PEX26: variants seen among roughly 807,000 people sequenced by gnomAD.
PEX26 encodes peroxisome assembly protein 26.
PEX26 carries 18 observed loss-of-function variants against 31.4 expected under a neutral mutation model. That is an observed-to-expected ratio of 0.57 (90% CI 0.40 to 0.85). The LOEUF (loss-of-function observed/expected upper bound fraction) is 0.85. PEX26 is among the 40% of genes least tolerant of loss of function. PEX26 has a pLI of 0.00. For synonymous variants in PEX26, 176 were observed against 166.9 expected (o/e 1.05, Z -0.42); for missense variants, 377 against 383.9 (o/e 0.98, Z 0.15).
rs1305373344 is a variant in PEX26, at chr22:18,101,306, C to T, written c.*13231C>T. 1 of 152,070 alleles carries T rather than the reference C, an allele frequency of 6.6e-6. No individual in the cohort carries two copies. The allele number at this position is 152,070 out of a possible 1,614,324, so 9.4% of individuals were successfully genotyped here. A position where few individuals can be genotyped will look rare whatever the true frequency, so the allele number is the denominator to read the frequency against. ...GCTTTGATCCTGGGAGATTCAGAAA[C>T]CTCAAGATGGGTAGCTGGCTTGAGT... On this transcript the variant is annotated 3_prime_UTR_variant, in exon 5 of 5. Transcript: ENST00000399744.
rs1286258038 is a variant in PEX26, at chr22:18,088,441, G to GA, written c.*371dup. ...GGATGTTAATGGAGCTGGAAGTTCAGAAAAAGCCTGGTGAAGTGACCCTTG... is the reference window on the plus strand; with the variant it reads ...GGATGTTAATGGAGCTGGAAGTTCAGAAAAAAGCCTGGTGAAGTGACCCTTG... On this transcript the variant is annotated 3_prime_UTR_variant, in exon 5 of 5. Transcript: ENST00000399744. This position sits in a 1 kb window ranked among gnomAD's most constrained non-coding sequence, Gnocchi z 4.1. 2.7e-6 allele frequency: 1 copy of GA among 375,096 alleles called. No individual in the cohort carries two copies. Among genetic ancestry groups the GA allele is most frequent in the African/African-American group, 2.1e-5 (1 of 47,844 alleles). The allele number at this position is 375,096 out of a possible 1,614,324, so 23.2% of individuals were successfully genotyped here.
In PEX26 at chr22:18,078,394, G is replaced by C; in HGVS notation, c.18G>C (p.Ser6=). The C allele has an allele frequency of 6.3e-7, 1 of 1,599,936 alleles. No homozygotes were observed. The highest frequency in any genetic ancestry group is 8.5e-7 in the Non-Finnish European group (1 of 1,175,102). The change falls in exon 1 of 5, where the codon TCG becomes TCC. Residue 6 remains serine (S), a synonymous_variant. Coordinates refer to ENST00000399744, the MANE Select transcript of PEX26 (RefSeq NM_001127649.3). ...GACTCGTTATGAAGAGCGATTCTTC[G>C]ACCTCTGCAGCCCCCCTCAGGGGGC... MKSDS[S]TSAAPLRGLG...
At chr22:18,082,534 C>T (rs897653693) in intron 2 of PEX26, among the ~76,000 whole-genome samples, 3 of 152,112 alleles carry the variant, frequency 2.0e-5, no homozygotes, top group African/African-American at 7.2e-5. Flanking sequence ...GAATTTATTT[C>T]TGGGCTCTCT....
chr22:18,095,199 G>C lies in PEX26; in HGVS notation c.*7124G>C, dbSNP rs1054597981. 2 of 152,230 alleles carry C rather than the reference G, an allele frequency of 1.3e-5. No individual in the cohort carries two copies. The highest frequency in any genetic ancestry group is 2.9e-5 in the Non-Finnish European group (2 of 68,058). 9.4% of individuals were successfully genotyped at this position (152,230 alleles called of 1,614,324 possible). On this transcript the variant is annotated 3_prime_UTR_variant, in exon 5 of 5. Coordinates refer to ENST00000399744, the MANE Select transcript of PEX26 (RefSeq NM_001127649.3). ...TGGAGGTGGGGCAGGGGAGGGCTCT[G>C]TGCTTTGGCATCTGTTTAGTAGTAT...
rs200364165 is a variant in PEX26, at chr22:18,080,226, CAG to C, written c.371+213_371+214del. ...GAATAGATATAAAGAAGGGAGGAAA[CAG>C]GGAATAGGAGCGACGTGGGATGACA... is the stretch of plus-strand genomic sequence containing the variant. On this transcript the variant is annotated intron_variant, in intron 2 of 4. Transcript: ENST00000399744. 5.0e-3 allele frequency among the ~76,000 whole-genome samples: 757 copies of C among 152,200 alleles called. 39 individuals carry two copies. The highest frequency in any genetic ancestry group is 0.046 in the Admixed American group (706 of 15,286).
chr22:18,084,291 C>T (rs361836), intron 3 of PEX26, among the ~76,000 whole-genome samples: 127,078 of 149,092 alleles, frequency 0.85, 54,606 homozygotes, highest in East Asian at 0.93. Context: ...GTCGCCCAAG[C>T]GGGAATGCAG....
intron 2 of PEX26, among the ~76,000 whole-genome samples, chr22:18,080,496 A>G (rs556011539): frequency 9.9e-5 from 15 of 152,038 alleles, no homozygotes; most frequent in Admixed American, 7.2e-4. Context: ...CGCCCGGCTA[A>G]TTTTTTTGTG....
rs1344950383 is a variant in PEX26 at position 18,083,692 on chromosome 22, A to T, written c.627A>T (p.Glu209Asp). ...CAGCGAGGCAGCAGCAGAAACAGGA[A>T]CACTCAGGCTCTGAGGAGGCCCAGA... ...IHTARQQQKQ[E>D]HSGSEEAQKP... Residue 209 changes from glutamate (E) to aspartate (D), a missense_variant, in exon 3 of 5, where the codon GAA becomes GAT. Physicochemically the swap from Glu to Asp is conservative, Grantham distance 45. Transcript: ENST00000399744. The T allele has an allele frequency of 2.5e-6, 4 of 1,614,012 alleles. No individual in the cohort carries two copies. The highest frequency in any genetic ancestry group is 3.3e-5 in the Admixed American group (2 of 60,010).
At position 18,096,612 on chromosome 22, in the gene PEX26, G is replaced by C. The variant is rs1053328975; in HGVS notation, c.*8537G>C. On this transcript the variant is annotated 3_prime_UTR_variant, in exon 5 of 5. Transcript: ENST00000399744. ...TTTTTGTATTTTTAGTAGAGATGGG[G>C]TTTCACCGTGTTAGCCAGGATGGTC... The C allele has an allele frequency of 6.6e-6, 1 of 152,110 alleles. No homozygotes were observed. Among genetic ancestry groups the C allele is most frequent in the East Asian group, 1.9e-4 (1 of 5,140 alleles). 9.4% of individuals were successfully genotyped at this position (152,110 alleles called of 1,614,324 possible). A position where few individuals can be genotyped will look rare whatever the true frequency, so the allele number is the denominator to read the frequency against.
chr22:18,087,287 C>T (rs1926878756), intron 4 of PEX26, among the ~76,000 whole-genome samples: 1 of 152,122 alleles, frequency 6.6e-6, no homozygotes, highest in Admixed American at 6.5e-5. Flanking sequence ...GTTTGCCAGG[C>T]TGGTCTCCAA....
Position 18,085,236 on chromosome 22 carries a change from C to T in PEX26, c.792C>T (p.Leu264=), listed in dbSNP as rs1404094108. The change falls in exon 4 of 5, where the codon CTC becomes CTT. Residue 264 remains leucine (L), a synonymous_variant. Coordinates refer to ENST00000399744, the MANE Select transcript of PEX26 (RefSeq NM_001127649.3). ...TCCTGGCTGCCTTGATCCTCTGTCT[C>T]CTGGTGGTGAGATTTGATCCAGGTA... ...KSLLAALILC[L]LVVRFDPASP... The T allele has an allele frequency of 2.5e-6, 4 of 1,614,152 alleles. No homozygotes were observed. The highest frequency in any genetic ancestry group is 1.7e-6 in the Non-Finnish European group (2 of 1,180,020).
At chr22:18,085,329 G>A (rs1926800507) in intron 4 of PEX26, 71 bp downstream of exon 4, 30 of 1,524,676 alleles carry the variant, frequency 2.0e-5, no homozygotes, top group Non-Finnish European at 2.7e-5. Flanking sequence ...TGTGGGAGTG[G>A]GTGTTTGTCA....
rs1419561778 is a variant in PEX26, at chr22:18,101,051, A to G, written c.*12976A>G. ...AGATACTCTGATCTTTAAGCAGATA[A>G]TCATGGAATTCTCAACATCATATCC... On this transcript the variant is annotated 3_prime_UTR_variant, in exon 5 of 5. Coordinates refer to ENST00000399744, the MANE Select transcript of PEX26 (RefSeq NM_001127649.3). The G allele has an allele frequency of 6.6e-6, 1 of 152,236 alleles. No individual in the cohort carries two copies. The highest frequency in any genetic ancestry group is 1.5e-5 in the Non-Finnish European group (1 of 68,038). 9.4% of individuals were successfully genotyped at this position (152,236 alleles called of 1,614,324 possible).
intron 2 of PEX26, among the ~76,000 whole-genome samples, chr22:18,080,410 A>G (rs963042607): frequency 6.6e-6 from 1 of 152,118 alleles, no homozygotes; most frequent in Non-Finnish European, 1.5e-5. Flanking sequence ...GCTCACTGCA[A>G]GCTCCACCTC....
intron 4 of PEX26, 68 bp downstream of exon 4, chr22:18,085,326 G>A: frequency 6.5e-7 from 1 of 1,533,748 alleles, no homozygotes; most frequent in Non-Finnish European, 9.0e-7. Flanking sequence ...GCCTGTGGGA[G>A]TGGGTGTTTG....
chr22:18,078,792 A>G (rs1926421447), intron 1 of PEX26, 186 bp downstream of exon 1: 1 of 715,260 alleles, frequency 1.4e-6, no homozygotes, highest in Non-Finnish European at 2.5e-6. Flanking sequence ...AAGTCGTGTA[A>G]CAAAAACTTA....
Position 18,098,414 on chromosome 22 carries a change from A to C in PEX26, c.*10339A>C, listed in dbSNP as rs1173208107. 3.3e-5 allele frequency: 5 copies of C among 151,976 alleles called. No homozygotes were observed. Among genetic ancestry groups the C allele is most frequent in the Non-Finnish European group, 7.4e-5 (5 of 68,006 alleles). The allele number at this position is 151,976 out of a possible 1,614,324, so 9.4% of individuals were successfully genotyped here. On this transcript the variant is annotated 3_prime_UTR_variant, in exon 5 of 5. Coordinates refer to ENST00000399744, the MANE Select transcript of PEX26 (RefSeq NM_001127649.3). Reference sequence around the variant, plus strand: ...GGTGGCTCATGCCTGCAATCCCAGCACTTCGGGAGGCCAAGACCAGCCTGG... The same window carrying C: ...GGTGGCTCATGCCTGCAATCCCAGCCCTTCGGGAGGCCAAGACCAGCCTGG...
Position 18,085,204 on chromosome 22 carries a change from AAG to A in PEX26, c.763_764del (p.Leu256ProfsTer14). ...CCACTTCTTTTCTCTGCCCTTCAAAAAGAGTCTCCTGGCTGCCTTGATCCTCT... is the reference window on the plus strand; with the variant it reads ...CCACTTCTTTTCTCTGCCCTTCAAAAAGTCTCCTGGCTGCCTTGATCCTCT... ...VSHFFSLPFKKSLLAALILCL... is the reference protein window; with the variant it reads ...VSHFFSLPFKXSLLAALILCL... On this transcript the variant is annotated frameshift_variant, in exon 4 of 5. Coordinates refer to ENST00000399744, the MANE Select transcript of PEX26 (RefSeq NM_001127649.3). LOFTEE classifies it high-confidence loss of function. 1 of 1,614,068 alleles carries A rather than the reference AAG, an allele frequency of 6.2e-7. No homozygotes were observed. Among genetic ancestry groups the A allele is most frequent in the Non-Finnish European group, 8.5e-7 (1 of 1,179,996 alleles).
At position 18,078,558 on chromosome 22, in the gene PEX26, C is replaced by A; in HGVS notation, c.182C>A (p.Ala61Asp). 1 of 1,593,736 alleles carries A rather than the reference C, an allele frequency of 6.3e-7. No individual in the cohort carries two copies. Among genetic ancestry groups the A allele is most frequent in the Admixed American group, 1.7e-5 (1 of 57,874 alleles). The change falls in exon 1 of 5, where the codon GCC becomes GAC. Residue 61 changes from alanine (A) to aspartate (D), a missense_variant. Transcript: ENST00000399744. ...GCGGCGCTGGAGACCTGCGAGCGGGCCTGGCAGAGTCTGGCCAACCACGCC... is the reference window on the plus strand; with the variant it reads ...GCGGCGCTGGAGACCTGCGAGCGGGACTGGCAGAGTCTGGCCAACCACGCC... Reference protein sequence around the residue: ...FRAALETCERAWQSLANHAVA... With the variant: ...FRAALETCERDWQSLANHAVA...
Sources: gnomAD v4.1 joint callset for allele counts (sites outside exome capture counted in the v4.1 genomes callset) on GRCh38, gnomAD v4.1.1 for gene constraint, Gnocchi (gnomAD v3.1) non-coding constraint, MANE v1.5 for transcripts, NCBI Gene and HGNC (gene_info 2026-07-23, HGNC 2026-07-21) for gene names.